The following ZNF469 variants were observed in gnomAD, a reference collection of about 807,000 sequenced individuals.
ZNF469 encodes the protein zinc finger protein 469.
Under a neutral mutation model 1.0 loss-of-function variants are expected in ZNF469, and 1 was observed. The ratio of observed to expected loss-of-function variants is 1.00; its 90% CI spans 0.35 to 4.73. The LOEUF (loss-of-function observed/expected upper bound fraction) is 4.73. Among genes scored for constraint, ZNF469 ranks in the 30% most tolerant of loss-of-function variants. The probability of loss-of-function intolerance (pLI) is 0.16; values close to 1 mark genes in which losing one functional copy is unlikely to be tolerated. For synonymous variants in ZNF469, 2,703 were observed against 2,363.4 expected (o/e 1.14, Z -4.17); for missense variants, 6,100 against 5,356.3 (o/e 1.14, Z -4.33).
Position 88,432,103 on chromosome 16 carries a change from A to C in ZNF469, c.4633A>C (p.Lys1545Gln). 1 of 1,550,362 alleles carries C rather than the reference A, an allele frequency of 6.5e-7. No individual in the cohort carries two copies. The highest frequency in any genetic ancestry group is 2.4e-5 in the East Asian group (1 of 40,896). The change falls in exon 3 of 3, where the codon AAG becomes CAG. Residue 1545 changes from lysine (K) to glutamine (Q), a missense_variant. Lys to Gln is a moderately conservative substitution (Grantham distance 53). Coordinates refer to ENST00000565624, the MANE Select transcript of ZNF469 (RefSeq NM_001367624.2). ...VPGAAPSLPG[K>Q]GSGCSVALMS... ...CGGCGCCGCCCCATCTTTGCCTGGG[A>C]AGGGGAGTGGATGTAGCGTTGCTCT...
the ZNF469 span, among the ~76,000 whole-genome samples, chr16:88,308,744 C>A: frequency 6.6e-6 from 1 of 152,128 alleles, no homozygotes; most frequent in Non-Finnish European, 1.5e-5. Flanking sequence ...TCTCAGGAGA[C>A]CCCCAGAAAG....
At chr16:88,115,413 G>A in the ZNF469 span, among the ~76,000 whole-genome samples, 1 of 151,862 alleles carries the variant, frequency 6.6e-6, no homozygotes, top group Non-Finnish European at 1.5e-5. Context: ...GAGAAGCTCG[G>A]GGGTCACCGC....
the ZNF469 span, among the ~76,000 whole-genome samples, chr16:88,131,910 G>T: frequency 6.6e-6 from 1 of 152,202 alleles, no homozygotes; most frequent in Non-Finnish European, 1.5e-5. Flanking sequence ...CCACCTGCCC[G>T]CTCTGGGTGG....
the ZNF469 span, among the ~76,000 whole-genome samples, chr16:88,295,596 G>A: frequency 0.57 from 86,294 of 151,950 alleles, 25,500 homozygotes; most frequent in East Asian, 0.78. Flanking sequence ...TTGATTAGAG[G>A]GCTATCTGAA....
the ZNF469 span, among the ~76,000 whole-genome samples, chr16:88,348,708 G>C: frequency 1.4e-3 from 220 of 152,294 alleles, 1 homozygote; most frequent in African/African-American, 4.9e-3. Flanking sequence ...CCATTTGGGG[G>C]CTGGGACCTG....
the ZNF469 span, among the ~76,000 whole-genome samples, chr16:88,283,829 C>T: frequency 6.9e-3 from 1,018 of 147,800 alleles, 9 homozygotes; most frequent in African/African-American, 0.025. Context: ...GGCTGGTAGA[C>T]CCCCAGTGTG....
At position 88,437,280 on chromosome 16, in the gene ZNF469, G is replaced by T. The variant is rs1269611165; in HGVS notation, c.9810G>T (p.Arg3270Ser). The T allele has an allele frequency of 5.8e-6, 9 of 1,547,954 alleles. No individual in the cohort carries two copies. Among genetic ancestry groups the T allele is most frequent in the Non-Finnish European group, 7.9e-6 (9 of 1,145,688 alleles). ...GEAKKDSPGE[R>S]AKPRARSTPS... ...CCAAGAAAGACAGCCCGGGCGAGAG[G>T]GCGAAACCCCGGGCACGCAGCACCC... is the stretch of plus-strand genomic sequence containing the variant. The change falls in exon 3 of 3, where the codon AGG becomes AGT. Residue 3270 changes from arginine to serine, a missense_variant. Physicochemically the swap from Arg to Ser is moderately radical, Grantham distance 110 (BLOSUM62 -1). Coordinates refer to ENST00000565624, the MANE Select transcript of ZNF469 (RefSeq NM_001367624.2).
the ZNF469 span, among the ~76,000 whole-genome samples, chr16:88,253,151 G>C: frequency 6.6e-6 from 1 of 152,180 alleles, no homozygotes; most frequent in Non-Finnish European, 1.5e-5. Context: ...GGTTTTGACT[G>C]TCATGAATAA....
the ZNF469 span, among the ~76,000 whole-genome samples, chr16:88,298,019 C>T: frequency 6.6e-6 from 1 of 152,286 alleles, no homozygotes; most frequent in Non-Finnish European, 1.5e-5. Context: ...CTGCAATTGT[C>T]CCACAGGTCT....
the ZNF469 span, among the ~76,000 whole-genome samples, chr16:88,342,785 C>T: frequency 1.2e-3 from 190 of 152,334 alleles, no homozygotes; most frequent in African/African-American, 4.3e-3. Flanking sequence ...CTCTAGCAGC[C>T]GCCTGATGCC....
At chr16:88,297,216 G>A in the ZNF469 span, among the ~76,000 whole-genome samples, 1 of 152,192 alleles carries the variant, frequency 6.6e-6, no homozygotes, top group South Asian at 2.1e-4. Context: ...ATTGGGACGG[G>A]GCAGGCGTCT....
At chr16:88,153,771 G>A in the ZNF469 span, among the ~76,000 whole-genome samples, 9,315 of 152,252 alleles carry the variant, frequency 0.061, 408 homozygotes, top group Admixed American at 0.12. Context: ...CATGGCCTGC[G>A]GATGGCGTCT....
chr16:88,353,992 A>G, the ZNF469 span, among the ~76,000 whole-genome samples: 3 of 152,134 alleles, frequency 2.0e-5, no homozygotes, highest in East Asian at 5.8e-4. Flanking sequence ...TGCCTGCTTC[A>G]TATCTACCTG....
the ZNF469 span, among the ~76,000 whole-genome samples, chr16:88,110,813 C>T: frequency 3.3e-5 from 5 of 152,362 alleles, no homozygotes; most frequent in East Asian, 3.9e-4. Context: ...TGGATTTCCA[C>T]GAGGGGCCCA....
At chr16:88,205,439 T>G in the ZNF469 span, among the ~76,000 whole-genome samples, 1 of 152,130 alleles carries the variant, frequency 6.6e-6, no homozygotes, top group Non-Finnish European at 1.5e-5. This position sits in a 1 kb window ranked among gnomAD's most constrained non-coding sequence, Gnocchi z 4.2. Flanking sequence ...TGAGAAGGCG[T>G]TTTTAAGGAT....
At chr16:88,111,983 C>T in the ZNF469 span, among the ~76,000 whole-genome samples, 2 of 152,130 alleles carry the variant, frequency 1.3e-5, no homozygotes, top group Non-Finnish European at 2.9e-5. Context: ...CACTTAATGA[C>T]CTCCAGTTCC....
chr16:88,296,451 C>T, the ZNF469 span, among the ~76,000 whole-genome samples: 1 of 135,104 alleles, frequency 7.4e-6, no homozygotes, highest in Non-Finnish European at 1.6e-5. Flanking sequence ...CAGACATGCT[C>T]ACCCTCCCCC....
the ZNF469 span, among the ~76,000 whole-genome samples, chr16:88,127,741 A>C: frequency 6.6e-6 from 1 of 152,156 alleles, no homozygotes; most frequent in Non-Finnish European, 1.5e-5. Context: ...TTTCCATCTG[A>C]ATTCTGTATT....
At chr16:88,101,708 C>A in the ZNF469 span, among the ~76,000 whole-genome samples, 10 of 152,174 alleles carry the variant, frequency 6.6e-5, no homozygotes, top group Non-Finnish European at 8.8e-5. Flanking sequence ...AAGAACTAGG[C>A]TCTCCTCAAT....
Sources: gnomAD v4.1 joint callset for allele counts (sites outside exome capture counted in the v4.1 genomes callset) on GRCh38, gnomAD v4.1.1 for gene constraint, Gnocchi (gnomAD v3.1) non-coding constraint, MANE v1.5 for transcripts, NCBI Gene and HGNC (gene_info 2026-07-23, HGNC 2026-07-21) for gene names.